UCHL5: variants seen among roughly 807,000 people sequenced by gnomAD.
The protein encoded by UCHL5 is ubiquitin carboxyl-terminal hydrolase isozyme L5.
UCHL5 carries 34 observed loss-of-function variants against 53.8 expected under a neutral mutation model. That is an observed-to-expected ratio of 0.63 (90% CI 0.48 to 0.84). UCHL5 has a LOEUF of 0.84. Ranked by LOEUF, UCHL5 falls within the 40% of genes least tolerant of loss-of-function variation. The pLI is 0.00. For synonymous variants in UCHL5, 111 were observed against 126.3 expected (o/e 0.88, Z 0.81); for missense variants, 290 against 385.6 (o/e 0.75, Z 2.08).
At chr1:193,055,376 A>T (rs532916332) in intron 1 of UCHL5, among the ~76,000 whole-genome samples, 1 of 152,312 alleles carries the variant, frequency 6.6e-6, no homozygotes, top group South Asian at 2.1e-4. Flanking sequence ...CCTCATGTGT[A>T]ATACAGCCTC....
At chr1:193,020,471 G>A (rs1355109948) in intron 10 of UCHL5, 2 of 1,528,622 alleles carry the variant, frequency 1.3e-6, no homozygotes. Context: ...GGAGGGGCCA[G>A]GTAACATGTA....
chr1:193,037,992 G>C (rs1284747254), intron 3 of UCHL5, among the ~76,000 whole-genome samples: 2 of 149,570 alleles, frequency 1.3e-5, no homozygotes, highest in Non-Finnish European at 3.0e-5. Context: ...GTGATACCAA[G>C]AAAAAAACTA....
intron 3 of UCHL5, among the ~76,000 whole-genome samples, chr1:193,036,564 G>C (rs1325683706): frequency 6.6e-6 from 1 of 151,936 alleles, no homozygotes; most frequent in Non-Finnish European, 1.5e-5. Context: ...CTCTCTGACA[G>C]ATCATGCAAA....
chr1:193,029,373 A>AT lies in UCHL5; in HGVS notation c.434+14dup. 3.7e-6 allele frequency: 6 copies of AT among 1,613,698 alleles called. No individual in the cohort carries two copies. The South Asian group carries it at 6.6e-5, about 18-fold the overall frequency. ...AAGAAAGAAACAGTATTTATTTAAC[A>AT]TAAAGTCTCTTTACCTGGCGAAACT... On this transcript the variant is annotated intron_variant, in intron 5 of 10. Transcript: ENST00000367454.
chr1:193,024,205 A>G (rs1264638313), intron 7 of UCHL5, among the ~76,000 whole-genome samples: 6 of 151,932 alleles, frequency 3.9e-5, no homozygotes, highest in African/African-American at 7.2e-5. Flanking sequence ...ATAGTGCACT[A>G]TACTCCAGTC....
chr1:193,059,542 G>C, upstream of UCHL5: 1 of 1,546,844 alleles, frequency 6.5e-7, no homozygotes. This position sits in a 1 kb window ranked among gnomAD's most constrained non-coding sequence, Gnocchi z 4.9. Context: ...GTGATTCACA[G>C]CGCCGAGGAG....
At chr1:193,018,724 A>G in intron 10 of UCHL5, 2 of 1,408,080 alleles carry the variant, frequency 1.4e-6, no homozygotes, top group Non-Finnish European at 1.9e-6. Context: ...CATCCTGTAG[A>G]ATCTCAGCAT....
At chr1:193,039,525 A>G (rs543628516) in intron 3 of UCHL5, among the ~76,000 whole-genome samples, 3 of 152,342 alleles carry the variant, frequency 2.0e-5, no homozygotes, top group East Asian at 3.9e-4. Context: ...TGGATATTCC[A>G]TCCTCATGAA....
rs186810505 is a variant in UCHL5, at chr1:193,012,447, C to G, written c.*3904G>C. ...ATTAATAAACCATTTAACCATCAAA[C>G]ATGATTGCAAATTAATATTCTTAAT... On this transcript the variant is annotated 3_prime_UTR_variant, in exon 11 of 11. Transcript: ENST00000367454. 10 of 152,270 alleles carry G rather than the reference C, an allele frequency of 6.6e-5. No individual in the cohort carries two copies. In the East Asian group the frequency reaches 1.9e-3, roughly 29 times the overall value. The allele number at this position is 152,270 out of a possible 1,614,324, so 9.4% of individuals were successfully genotyped here. A position where few individuals can be genotyped will look rare whatever the true frequency, so the allele number is the denominator to read the frequency against.
chr1:193,038,627 T>A lies in UCHL5; in HGVS notation c.247-8970A>T, dbSNP rs772403585. ...AAGGAAGAAATAAAATTAGCACTGT[T>A]CATAGCTGACATAATCTTAGAAAAA... On this transcript the variant is annotated intron_variant, in intron 3 of 10. Transcript: ENST00000367454. Among the ~76,000 whole-genome samples the A allele has an allele frequency of 8.0e-4, 122 of 152,154 alleles. 1 individual carries two copies. The highest frequency in any genetic ancestry group is 1.4e-3 in the South Asian group (7 of 4,828).
At chr1:193,027,861 G>A (rs780893035) in intron 7 of UCHL5, 10 of 1,446,540 alleles carry the variant, frequency 6.9e-6, no homozygotes, top group Admixed American at 4.3e-5. Context: ...AGTGGCTCAC[G>A]CCTGTAATCC....
chr1:193,055,173 G>A (rs1009711726), intron 1 of UCHL5, among the ~76,000 whole-genome samples: 7 of 152,130 alleles, frequency 4.6e-5, no homozygotes, highest in Admixed American at 4.6e-4. Flanking sequence ...TACCAGCTTT[G>A]CTCTGGACCA....
In UCHL5 at chr1:193,029,314, A is replaced by G; in HGVS notation, c.435-5T>C. ...TCAAATTCAAACATTTGCTGTCTAC[A>G]GTAAATAAAAAAATAGTGAAACTCA... On this transcript the variant is annotated splice_region_variant and splice_polypyrimidine_tract_variant and intron_variant, in intron 5 of 10. Transcript: ENST00000367454. The G allele has an allele frequency of 1.2e-6, 2 of 1,613,290 alleles. No homozygotes were observed. Among genetic ancestry groups the G allele is most frequent in the Non-Finnish European group, 8.5e-7 (1 of 1,179,668 alleles).
At chr1:193,048,602 G>A (rs558186448) in intron 3 of UCHL5, among the ~76,000 whole-genome samples, 1 of 152,292 alleles carries the variant, frequency 6.6e-6, no homozygotes, top group Non-Finnish European at 1.5e-5. Flanking sequence ...ACCTGAAAAA[G>A]ATAATATTTC....
chr1:193,024,945 C>A (rs1310930159), intron 7 of UCHL5, among the ~76,000 whole-genome samples: 3 of 152,068 alleles, frequency 2.0e-5, no homozygotes, highest in Admixed American at 2.0e-4. Context: ...GTAAGTACAA[C>A]TAAAAACCCT....
At chr1:193,049,183 C>T (rs537268784) in intron 3 of UCHL5, among the ~76,000 whole-genome samples, 13 of 152,296 alleles carry the variant, frequency 8.5e-5, no homozygotes, top group South Asian at 2.1e-4. Context: ...GAGGCCAAGG[C>T]GGGTGTATCA....
intron 3 of UCHL5, among the ~76,000 whole-genome samples, chr1:193,048,968 A>G (rs1338482353): frequency 6.6e-6 from 1 of 152,126 alleles, no homozygotes; most frequent in Non-Finnish European, 1.5e-5. Flanking sequence ...TATCTCACTC[A>G]GCCTCCATAT....
chr1:193,041,803 G>A (rs1379473910), intron 3 of UCHL5, among the ~76,000 whole-genome samples: 1 of 152,068 alleles, frequency 6.6e-6, no homozygotes, highest in East Asian at 1.9e-4. Flanking sequence ...TAAACTTATG[G>A]ATGAATCTTA....
intron 8 of UCHL5, 126 bp from the exon 9 acceptor site, chr1:193,023,162 C>A: frequency 1.5e-6 from 1 of 660,806 alleles, no homozygotes; most frequent in East Asian, 2.7e-5. Flanking sequence ...TAGCAGCATG[C>A]CCGCCTAACA....
Sources: allele counts gnomAD v4.1 joint callset (sites outside exome capture counted in the v4.1 genomes callset), GRCh38; gene constraint gnomAD v4.1.1; non-coding constraint Gnocchi (gnomAD v3.1); transcripts MANE v1.5; gene names NCBI Gene and HGNC (gene_info 2026-07-23, HGNC 2026-07-21).